ZEB2: variants seen among roughly 807,000 people sequenced by gnomAD.
The protein encoded by ZEB2 is zinc finger E-box-binding homeobox 2.
ZEB2 carries 6 observed loss-of-function variants against 99.9 expected under a neutral mutation model. That is an observed-to-expected ratio of 0.06 (90% CI 0.03 to 0.12). ZEB2 has a LOEUF of 0.12. Ranked by LOEUF, ZEB2 falls within the 10% of genes least tolerant of loss-of-function variation. The probability of loss-of-function intolerance (pLI) is 1.00; values close to 1 mark genes in which losing one functional copy is unlikely to be tolerated. For missense variants in ZEB2, 969 were observed against 1,502.8 expected (o/e 0.64, Z 5.87); for synonymous variants, 517 against 542.5 (o/e 0.95, Z 0.65).
chr2:144,519,771 A>C (rs1339949459), intron 1 of ZEB2, 168 bp downstream of exon 1: 1 of 350,772 alleles, frequency 2.9e-6, no homozygotes, highest in Non-Finnish European at 5.6e-6. Flanking sequence ...TCTTGAGAAA[A>C]GCTTGCCATA....
intron 2 of ZEB2, among the ~76,000 whole-genome samples, chr2:144,447,914 A>G (rs1403888104): frequency 6.6e-6 from 1 of 152,182 alleles, no homozygotes; most frequent in Non-Finnish European, 1.5e-5. Flanking sequence ...CTAACTTCCT[A>G]ACTTGTGACT....
intron 9 of ZEB2, among the ~76,000 whole-genome samples, chr2:144,396,088 T>C (rs1573713221): frequency 1.3e-5 from 2 of 152,196 alleles, no homozygotes; most frequent in East Asian, 3.8e-4. Flanking sequence ...CTTTGAAACT[T>C]AAGAATTTGA....
chr2:144,482,153 C>T (rs1182428530), intron 2 of ZEB2: 1 of 152,220 alleles, frequency 6.6e-6, no homozygotes, highest in Non-Finnish European at 1.5e-5. Flanking sequence ...CAGAATGTAA[C>T]CTCTTGCTTT....
chr2:144,441,244 C>T (rs1293057712), intron 2 of ZEB2, among the ~76,000 whole-genome samples: 1 of 148,374 alleles, frequency 6.7e-6, no homozygotes, highest in Non-Finnish European at 1.5e-5. Flanking sequence ...AACTGCTTCT[C>T]CCCATGCCTC....
At chr2:144,483,931 A>C (rs1704555218) in intron 2 of ZEB2, among the ~76,000 whole-genome samples, 1 of 152,228 alleles carries the variant, frequency 6.6e-6, no homozygotes, top group Non-Finnish European at 1.5e-5. Context: ...GTGAATATAG[A>C]AACCACTATG....
At chr2:144,489,709 T>C (rs1195338409) in intron 2 of ZEB2, among the ~76,000 whole-genome samples, 2 of 152,220 alleles carry the variant, frequency 1.3e-5, no homozygotes, top group Non-Finnish European at 2.9e-5. Context: ...ACGCTGCTCA[T>C]TTGGGTGCGC....
intron 2 of ZEB2, among the ~76,000 whole-genome samples, chr2:144,453,405 T>C (rs1455897991): frequency 6.6e-6 from 1 of 152,232 alleles, no homozygotes; most frequent in Non-Finnish European, 1.5e-5. Flanking sequence ...CTTTGTCTCC[T>C]TTCCCCTTAC....
chr2:144,434,443 GCA>G (rs1332539338), intron 2 of ZEB2, among the ~76,000 whole-genome samples: 1 of 152,148 alleles, frequency 6.6e-6, no homozygotes, highest in African/African-American at 2.4e-5. Context: ...GGTAATACAG[GCA>G]CAGTGAGGTC....
chr2:144,481,959 A>G (rs1489998326), intron 2 of ZEB2, among the ~76,000 whole-genome samples: 1 of 152,232 alleles, frequency 6.6e-6, no homozygotes, highest in East Asian at 1.9e-4. Context: ...ATAGTGTTAT[A>G]GAAAAATGAG....
At chr2:144,440,783 T>A (rs1293641399) in intron 2 of ZEB2, among the ~76,000 whole-genome samples, 1 of 151,698 alleles carries the variant, frequency 6.6e-6, no homozygotes, top group African/African-American at 2.4e-5. Context: ...AGGCTTATAT[T>A]GGTGGTGTAA....
At chr2:144,491,145 T>TG (rs1184857750) in intron 2 of ZEB2, among the ~76,000 whole-genome samples, 3 of 152,236 alleles carry the variant, frequency 2.0e-5, no homozygotes, top group African/African-American at 7.2e-5. Flanking sequence ...GTGGAAATGA[T>TG]GGAGTCTCTG....
chr2:144,404,132 T>C lies in ZEB2; in HGVS notation c.593-2A>G. The stretch of plus-strand genomic sequence containing the variant: ...CATCTGGAGTTCCAGGTGGCAGGTC[T>C]GTAGCCGAGAGACAGAGAGAGAGAG... On this transcript the variant is annotated splice_acceptor_variant, in intron 5 of 9. Coordinates refer to ENST00000627532, the MANE Select transcript of ZEB2 (RefSeq NM_014795.4). LOFTEE classifies it high-confidence loss of function. 6.2e-7 allele frequency: 1 copy of C among 1,613,914 alleles called. No individual in the cohort carries two copies. The highest frequency in any genetic ancestry group is 8.5e-7 in the Non-Finnish European group (1 of 1,180,004).
Position 144,409,773 on chromosome 2 carries a change from CT to C in ZEB2, c.404-4750del, listed in dbSNP as rs530297560. Among the ~76,000 whole-genome samples, 239 of 152,224 alleles carry C rather than the reference CT, an allele frequency of 1.6e-3. 1 individual carries two copies. Among genetic ancestry groups the C allele is most frequent in the African/African-American group, 5.4e-3 (226 of 41,542 alleles). ...GCATGGTGGTGCGTGCCTGTGGTCC[CT>C]GCTACTGGGGAGGCAGAGGTAGCAG... On this transcript the variant is annotated intron_variant, in intron 4 of 9. Transcript: ENST00000627532.
At chr2:144,474,078 G>A (rs991241045) in intron 2 of ZEB2, among the ~76,000 whole-genome samples, 8 of 152,068 alleles carry the variant, frequency 5.3e-5, no homozygotes, top group African/African-American at 9.7e-5. Context: ...GGCCTTGTCC[G>A]GGCAGTCCTG....
intron 2 of ZEB2, chr2:144,513,779 C>A: frequency 1.3e-6 from 2 of 1,536,110 alleles, no homozygotes; most frequent in Non-Finnish European, 1.7e-6. Flanking sequence ...GCTCCGAGTG[C>A]TCATTTCTGA....
In ZEB2 at chr2:144,387,463, T is replaced by C. The variant is rs889334336; in HGVS notation, c.*1988A>G. The stretch of plus-strand genomic sequence containing the variant: ...TCATCTTGTAAAAACTGAAAAACTG[T>C]CTTAGAAAATCACGGTTATTTTTGT... On this transcript the variant is annotated 3_prime_UTR_variant, in exon 10 of 10. Coordinates refer to ENST00000627532, the MANE Select transcript of ZEB2 (RefSeq NM_014795.4). The C allele has an allele frequency of 6.6e-6, 1 of 152,146 alleles. No homozygotes were observed. The highest frequency in any genetic ancestry group is 2.4e-5 in the African/African-American group (1 of 41,440). The allele number at this position is 152,146 out of a possible 1,614,324, so 9.4% of individuals were successfully genotyped here.
At chr2:144,469,553 T>C (rs1704326813) in intron 2 of ZEB2, among the ~76,000 whole-genome samples, 1 of 152,168 alleles carries the variant, frequency 6.6e-6, no homozygotes, top group African/African-American at 2.4e-5. Flanking sequence ...GTTTTCCTTC[T>C]AACCAGAGTT....
intron 2 of ZEB2, chr2:144,513,186 C>T (rs1705070906): frequency 2.3e-6 from 3 of 1,286,922 alleles, no homozygotes; most frequent in Non-Finnish European, 3.0e-6. Flanking sequence ...TTCTCCGTCC[C>T]TCATTGCCTC....
intron 6 of ZEB2, among the ~76,000 whole-genome samples, chr2:144,402,417 C>T (rs958737298): frequency 2.0e-5 from 3 of 152,094 alleles, no homozygotes; most frequent in African/African-American, 7.2e-5. Context: ...CTTCAAAGAT[C>T]AAGCAGAGCC....
Sources: gnomAD v4.1 joint callset for allele counts (sites outside exome capture counted in the v4.1 genomes callset) on GRCh38, gnomAD v4.1.1 for gene constraint, MANE v1.5 for transcripts, NCBI Gene and HGNC (gene_info 2026-07-23, HGNC 2026-07-21) for gene names.